RFWD3: variants seen among roughly 807,000 people sequenced by gnomAD.
RFWD3 encodes ring finger and WD repeat domain 3, also known as E3 ubiquitin-protein ligase RFWD3.
In RFWD3, 65 loss-of-function variants were observed where a neutral mutation model predicts 87.7. The ratio of observed to expected loss-of-function variants is 0.74; its 90% CI spans 0.61 to 0.91. RFWD3 has a LOEUF of 0.91. RFWD3 is among the 40% of genes least tolerant of loss of function. The pLI, the probability that RFWD3 is intolerant of heterozygous loss-of-function variation, is 0.00. For missense variants in RFWD3, 1,078 were observed against 938.5 expected (o/e 1.15, Z -1.94); for synonymous variants, 433 against 352.8 (o/e 1.23, Z -2.55).
chr16:74,654,615 C>G (rs1157707233), intron 2 of RFWD3, among the ~76,000 whole-genome samples: 1 of 152,134 alleles, frequency 6.6e-6, no homozygotes, highest in Non-Finnish European at 1.5e-5. Flanking sequence ...AGTCAGGCAT[C>G]TCTCACTTTA....
At chr16:74,638,010 G>T in intron 6 of RFWD3, 40 bp from the exon 7 acceptor site, 3 of 1,392,688 alleles carry the variant, frequency 2.2e-6, no homozygotes, top group Non-Finnish European at 3.0e-6. Flanking sequence ...GATTAGGAAG[G>T]CTACAGAAGA....
At chr16:74,639,129 C>A (rs557197572) in intron 6 of RFWD3, among the ~76,000 whole-genome samples, 96 of 151,868 alleles carry the variant, frequency 6.3e-4, no homozygotes, top group African/African-American at 2.2e-3. Context: ...ACCTCCGCCC[C>A]CCGGGTTCAA....
intron 10 of RFWD3, among the ~76,000 whole-genome samples, chr16:74,629,239 C>T (rs542594532): frequency 6.6e-6 from 1 of 152,182 alleles, no homozygotes; most frequent in Non-Finnish European, 1.5e-5. Flanking sequence ...TGAAGTCGTT[C>T]GTGCCAAAGT....
intron 7 of RFWD3, among the ~76,000 whole-genome samples, chr16:74,637,199 G>A: frequency 6.6e-6 from 1 of 151,268 alleles, no homozygotes; most frequent in Non-Finnish European, 1.5e-5. Flanking sequence ...CCAGGCTGGA[G>A]TGCAGTAGTG....
chr16:74,624,768 G>A (rs1314116388), intron 12 of RFWD3, among the ~76,000 whole-genome samples: 2 of 152,186 alleles, frequency 1.3e-5, no homozygotes, highest in East Asian at 3.9e-4. Context: ...GTCTGAGATG[G>A]GAGGACAGCT....
rs750953750 is a variant in RFWD3, at chr16:74,626,425, G to C, written c.2099C>G (p.Thr700Ser). 6.2e-7 allele frequency: 1 copy of C among 1,614,162 alleles called. No homozygotes were observed. Among genetic ancestry groups the C allele is most frequent in the Non-Finnish European group, 8.5e-7 (1 of 1,180,026 alleles). The change falls in exon 12 of 13, where the codon ACC becomes AGC. Residue 700 changes from threonine (T) to serine (S), a missense_variant. Physicochemically the swap from Thr to Ser is moderately conservative, Grantham distance 58. Transcript: ENST00000361070. The stretch of plus-strand genomic sequence containing the variant: ...TGGGCTTTGGAAAATGGCATTTTTG[G>C]TCAATAGTTTGCAAGTAGGTCCTCC... Reference protein sequence around the residue: ...FFGGPTCKLLTKNAIFQSPEN... With the variant: ...FFGGPTCKLLSKNAIFQSPEN...
chr16:74,645,907 C>G (rs1052036423), intron 4 of RFWD3, among the ~76,000 whole-genome samples: 1 of 151,854 alleles, frequency 6.6e-6, no homozygotes, highest in Non-Finnish European at 1.5e-5. Flanking sequence ...CGCCTGCCAC[C>G]AAGCCCGATT....
intron 8 of RFWD3, among the ~76,000 whole-genome samples, chr16:74,635,921 C>T (rs1959192607): frequency 6.6e-6 from 1 of 152,072 alleles, no homozygotes; most frequent in African/African-American, 2.4e-5. Flanking sequence ...CAATTTACTC[C>T]CTAAATTCTC....
Position 74,632,540 on chromosome 16 carries a change from G to A in RFWD3, c.1560C>T (p.Asn520=). Residue 520 remains asparagine, a synonymous_variant, in exon 9 of 13, where the codon AAC becomes AAT. Coordinates refer to ENST00000361070, the MANE Select transcript of RFWD3 (RefSeq NM_018124.4). ...TCACTCACCTGGTCAGTTTAATAGT[G>A]TTGTCTAGGGAAGCAGAGAGTAGCA... ...RGLLLSASLD[N]TIKLTSLETN... 10 of 1,614,002 alleles carry A rather than the reference G, an allele frequency of 6.2e-6. No homozygotes were observed. The highest frequency in any genetic ancestry group is 8.5e-6 in the Non-Finnish European group (10 of 1,179,892).
chr16:74,645,745 C>CTTTTTTT (rs71376293), intron 4 of RFWD3, among the ~76,000 whole-genome samples: 15 of 74,216 alleles, frequency 2.0e-4, no homozygotes, highest in Non-Finnish European at 2.3e-4. Flanking sequence ...CAAATATTTT[C>CTTTTTTT]TTTTTTTTTT....
rs775345045 is a variant in RFWD3, at chr16:74,623,941, T to C, written c.2312A>G (p.Tyr771Cys). The C allele has an allele frequency of 3.7e-6, 6 of 1,614,012 alleles. No individual in the cohort carries two copies. The highest frequency in any genetic ancestry group is 1.3e-5 in the African/African-American group (1 of 74,912). ...TCGAGACCACAGTCACTCCCACTTA[T>C]AGATGTGGACCATCTTCTCTGTTAA... ...ATLTEKMVHI[Y>C]KWE The change falls in exon 13 of 13, where the codon TAT (tyrosine) becomes TGT (cysteine). Residue 771 changes from tyrosine to cysteine, a missense_variant. By Grantham distance (194) the Tyr-to-Cys change is radical. Coordinates refer to ENST00000361070, the MANE Select transcript of RFWD3 (RefSeq NM_018124.4).
At position 74,660,920 on chromosome 16, in the gene RFWD3, ATATT is replaced by A; in HGVS notation, c.518+8_518+11del. 1.9e-6 allele frequency: 3 copies of A among 1,604,256 alleles called. No individual in the cohort carries two copies. Among genetic ancestry groups the A allele is most frequent in the Non-Finnish European group, 2.6e-6 (3 of 1,173,662 alleles). ...CAGCAATGATCACAGACTTATCCAT[ATATT>A]TATTTACCTGGCACTGTCTGTCCTC... On this transcript the variant is annotated splice_region_variant and intron_variant, in intron 2 of 12. Transcript: ENST00000361070.
At chr16:74,637,311 T>A (rs1959231459) in intron 7 of RFWD3, among the ~76,000 whole-genome samples, 1 of 152,090 alleles carries the variant, frequency 6.6e-6, no homozygotes, top group African/African-American at 2.4e-5. Context: ...AATTCTTGGT[T>A]GGCTATTTAA....
At chr16:74,627,449 C>T (rs1013352912) in intron 11 of RFWD3, among the ~76,000 whole-genome samples, 17 of 151,984 alleles carry the variant, frequency 1.1e-4, no homozygotes, top group African/African-American at 3.9e-4. Context: ...CTGGATGGCT[C>T]CCCCTTCTTC....
At chr16:74,661,566 C>T in intron 1 of RFWD3, 115 bp from the exon 2 acceptor site, 1 of 988,278 alleles carries the variant, frequency 1.0e-6, no homozygotes, top group Non-Finnish European at 1.5e-6. Context: ...CTTAGCAAGA[C>T]TGAGAAGCTT....
Position 74,632,245 on chromosome 16 carries a change from A to G in RFWD3, c.1577+278T>C, listed in dbSNP as rs1597415146. Among the ~76,000 whole-genome samples the G allele has an allele frequency of 2.6e-5, 4 of 152,172 alleles. No homozygotes were observed. In the East Asian group the frequency reaches 7.8e-4, roughly 30 times the overall value. Reference sequence around the variant, plus strand: ...CTCTACTACAAAAATAGAAAATATTAGCCAGGCATGGTTGCAGGCGCCTGT... The same window carrying G: ...CTCTACTACAAAAATAGAAAATATTGGCCAGGCATGGTTGCAGGCGCCTGT... On this transcript the variant is annotated intron_variant, in intron 9 of 12. Transcript: ENST00000361070.
In RFWD3 at chr16:74,636,454, T is replaced by C. The variant is rs1385685294; in HGVS notation, c.1318A>G (p.Lys440Glu). The C allele has an allele frequency of 6.2e-7, 1 of 1,614,098 alleles. No homozygotes were observed. The highest frequency in any genetic ancestry group is 1.7e-5 in the Admixed American group (1 of 60,016). Residue 440 changes from lysine to glutamate, a missense_variant, in exon 8 of 13, where the codon AAG becomes GAG. Transcript: ENST00000361070. ...GQHKHKYHFQ[K>E]TFTVSQAGNC... is the part of the protein sequence containing the mutation. ...CCTGCCTGAGATACTGTGAAGGTCT[T>C]TTGGAAGTGGTACTTGTGCTTGTGC...
chr16:74,639,362 A>T (rs1190182647), intron 6 of RFWD3, among the ~76,000 whole-genome samples: 1 of 152,218 alleles, frequency 6.6e-6, no homozygotes, highest in African/African-American at 2.4e-5. Context: ...AATGATTACA[A>T]CATCACTTAC....
At chr16:74,666,245 A>C (rs917809729) in intron 1 of RFWD3, 1 of 152,178 alleles carries the variant, frequency 6.6e-6, no homozygotes, top group Non-Finnish European at 1.5e-5. Context: ...ATAGATATTA[A>C]ATCCCTGTTC....
Sources: gnomAD v4.1 joint callset for allele counts (sites outside exome capture counted in the v4.1 genomes callset) on GRCh38, gnomAD v4.1.1 for gene constraint, MANE v1.5 for transcripts, NCBI Gene and HGNC (gene_info 2026-07-23, HGNC 2026-07-21) for gene names.